The following CALD1 variants were observed in gnomAD, a reference collection of about 807,000 sequenced individuals.
The protein encoded by CALD1 is caldesmon.
In CALD1, 33 loss-of-function variants were observed where a neutral mutation model predicts 99.9. That is an observed-to-expected ratio of 0.33 (90% CI 0.25 to 0.44). CALD1 has a LOEUF of 0.44. Ranked by LOEUF, CALD1 falls within the 20% of genes least tolerant of loss-of-function variation. The pLI, the probability that CALD1 is intolerant of heterozygous loss-of-function variation, is 1.00. For missense variants in CALD1, 861 were observed against 962.1 expected, an observed-to-expected ratio of 0.89 and a Z score of 1.39; for synonymous variants, 310 against 325.0, an observed-to-expected ratio of 0.95 and a Z score of 0.50.
At chr7:134,962,846 T>G (rs537690716) in intron 13 of CALD1, 1 of 456,668 alleles carries the variant, frequency 2.2e-6, no homozygotes, top group Admixed American at 2.3e-5. Context: ...CACTCTTTGG[T>G]CTCTGGTTGA....
intron 1 of CALD1, among the ~76,000 whole-genome samples, chr7:134,771,982 A>G (rs1796881481): frequency 6.6e-6 from 1 of 152,112 alleles, no homozygotes; most frequent in African/African-American, 2.4e-5. Flanking sequence ...TAATGTGTAT[A>G]TCTGCCTCCC....
chr7:134,956,349 T>C lies in CALD1; in HGVS notation c.1936-1720T>C, dbSNP rs1343360780. ...AGAATTGTGTGTATCCCCTCAAAATTCATATGTTGAAATCCTAATCTGCAA... is the reference window on the plus strand; with the variant it reads ...AGAATTGTGTGTATCCCCTCAAAATCCATATGTTGAAATCCTAATCTGCAA... On this transcript the variant is annotated intron_variant, in intron 9 of 14. Coordinates refer to ENST00000361675, the MANE Select transcript of CALD1 (RefSeq NM_033138.4). Among the ~76,000 whole-genome samples, 11 of 152,260 alleles carry C rather than the reference T, an allele frequency of 7.2e-5. No individual in the cohort carries two copies. In the South Asian group the frequency reaches 1.9e-3, roughly 26 times the overall value.
intron 3 of CALD1, among the ~76,000 whole-genome samples, chr7:134,871,756 G>T (rs973621582): frequency 6.6e-6 from 1 of 152,068 alleles, no homozygotes; most frequent in South Asian, 2.1e-4. Context: ...TATTTAATTA[G>T]TATTGAGTCT....
chr7:134,812,618 T>A (rs1798396627), intron 1 of CALD1, among the ~76,000 whole-genome samples: 1 of 151,336 alleles, frequency 6.6e-6, no homozygotes, highest in Non-Finnish European at 1.5e-5. Context: ...AGGTTTTTGG[T>A]CTAAAAGACT....
intron 1 of CALD1, among the ~76,000 whole-genome samples, chr7:134,760,453 TAA>T (rs1388207059): frequency 6.6e-6 from 1 of 152,212 alleles, no homozygotes; most frequent in Admixed American, 6.5e-5. Context: ...TGAAGGATGC[TAA>T]GAGGACCCTG....
At chr7:134,895,462 A>G (rs1337523008) in intron 3 of CALD1, among the ~76,000 whole-genome samples, 1 of 152,144 alleles carries the variant, frequency 6.6e-6, no homozygotes, top group African/African-American at 2.4e-5. Context: ...GCTGTAAAAC[A>G]GTGATACCTC....
At chr7:134,803,976 G>T (rs562558040) in intron 1 of CALD1, among the ~76,000 whole-genome samples, 1 of 152,168 alleles carries the variant, frequency 6.6e-6, no homozygotes, top group African/African-American at 2.4e-5. Flanking sequence ...GATTACAGGC[G>T]TGAGCCACCA....
chr7:134,806,333 T>G (rs1798136353), intron 1 of CALD1, among the ~76,000 whole-genome samples: 1 of 152,198 alleles, frequency 6.6e-6, no homozygotes, highest in Non-Finnish European at 1.5e-5. Flanking sequence ...AGCTTCCTCA[T>G]TAGTAGGCTG....
At chr7:134,888,909 T>C (rs1465139107) in intron 3 of CALD1, among the ~76,000 whole-genome samples, 1 of 152,244 alleles carries the variant, frequency 6.6e-6, no homozygotes, top group African/African-American at 2.4e-5. Flanking sequence ...ACATGGATTC[T>C]GCACATGAGT....
chr7:134,901,971 A>C (rs1284253066), intron 3 of CALD1, among the ~76,000 whole-genome samples: 1 of 152,062 alleles, frequency 6.6e-6, no homozygotes, highest in East Asian at 1.9e-4. Context: ...ACTTTAACAT[A>C]TATTTGGAGG....
chr7:134,927,227 C>G (rs1805091765), intron 3 of CALD1, among the ~76,000 whole-genome samples: 1 of 152,080 alleles, frequency 6.6e-6, no homozygotes, highest in African/African-American at 2.4e-5. Context: ...AGCCCCAATT[C>G]TTTATTTGGA....
At chr7:134,861,561 T>C (rs1800565350) in intron 2 of CALD1, among the ~76,000 whole-genome samples, 1 of 152,228 alleles carries the variant, frequency 6.6e-6, no homozygotes, top group African/African-American at 2.4e-5. Context: ...GTGACAAGCC[T>C]GGTGGAACTT....
chr7:134,719,538 A>G, the CALD1 span, among the ~76,000 whole-genome samples: 2 of 152,156 alleles, frequency 1.3e-5, no homozygotes, highest in African/African-American at 4.8e-5. Context: ...GGCAGTCATC[A>G]TTGTCTCCTA....
At chr7:134,890,347 C>A (rs1802093017) in intron 3 of CALD1, among the ~76,000 whole-genome samples, 2 of 152,214 alleles carry the variant, frequency 1.3e-5, no homozygotes, top group Non-Finnish European at 2.9e-5. Context: ...AGCTCCATGA[C>A]ATTGGGTGAG....
At chr7:134,920,474 T>A in intron 3 of CALD1, 2 of 1,086,730 alleles carry the variant, frequency 1.8e-6, no homozygotes, top group Non-Finnish European at 2.3e-6. Context: ...GACTAAGAAG[T>A]CATCCTTTTT....
intron 5 of CALD1, 26 bp downstream of exon 5, chr7:134,934,103 G>A (rs942853792): frequency 6.3e-7 from 1 of 1,584,770 alleles, no homozygotes; most frequent in African/African-American, 1.4e-5. Flanking sequence ...TGCACCAAAT[G>A]TGTGATGCCT....
chr7:134,966,528 T>A (rs1808692694), intron 14 of CALD1, among the ~76,000 whole-genome samples: 1 of 152,208 alleles, frequency 6.6e-6, no homozygotes, highest in African/African-American at 2.4e-5. Context: ...AGTCACCATG[T>A]GAGGTAAGTA....
At chr7:134,797,423 T>C (rs1797786866) in intron 1 of CALD1, among the ~76,000 whole-genome samples, 1 of 152,232 alleles carries the variant, frequency 6.6e-6, no homozygotes, top group African/African-American at 2.4e-5. Context: ...AGATCACATA[T>C]GTGAAAGTGC....
At chr7:134,902,647 A>G (rs1410261525) in intron 3 of CALD1, among the ~76,000 whole-genome samples, 1 of 152,146 alleles carries the variant, frequency 6.6e-6, no homozygotes, top group African/African-American at 2.4e-5. Flanking sequence ...CAGCAAAGGG[A>G]AAAACTGAAC....
Sources: gnomAD v4.1 joint callset for allele counts (sites outside exome capture counted in the v4.1 genomes callset) on GRCh38, gnomAD v4.1.1 for gene constraint, MANE v1.5 for transcripts, NCBI Gene and HGNC (gene_info 2026-07-23, HGNC 2026-07-21) for gene names.